Variants in DUSP9 observed in about 807,000 individuals in gnomAD.
DUSP9 encodes dual specificity phosphatase 9.
DUSP9 carries 4 observed loss-of-function variants against 13.2 expected under a neutral mutation model. That is an observed-to-expected ratio of 0.30 (90% confidence interval 0.15 to 0.69). The LOEUF (loss-of-function observed/expected upper bound fraction) is 0.69. Ranked by LOEUF, DUSP9 falls within the 30% of genes least tolerant of loss-of-function variation. The pLI, the probability that DUSP9 is intolerant of heterozygous loss-of-function variation, is 0.73. For missense variants in DUSP9, 263 were observed against 355.0 expected (o/e 0.74, Z 2.08); for synonymous variants, 166 against 172.3 (o/e 0.96, Z 0.29).
intron 3 of DUSP9, 21 bp from the exon 4 acceptor site, chrX:153,649,959 G>A (rs1367670357): frequency 3.3e-6 from 4 of 1,195,136 alleles, no homozygotes; most frequent in African/African-American, 1.8e-5. Context: ...GGTCTCCCGG[G>A]CCCTTTCCTG....
At chrX:153,644,894 A>G (rs782814192), upstream of DUSP9, among the ~76,000 whole-genome samples, 12 of 112,593 alleles carry the variant, frequency 1.1e-4, no homozygotes, top group Non-Finnish European at 1.9e-4. Context: ...TCTCTAGCCG[A>G]ACTGAGCCCC....
Position 153,650,977 on chromosome X carries a change from G to T in DUSP9, c.*672G>T, listed in dbSNP as rs1278260358. The T allele has an allele frequency of 9.0e-6, 1 of 111,216 alleles. No individual in the cohort carries two copies. Among genetic ancestry groups the T allele is most frequent in the Non-Finnish European group, 1.9e-5 (1 of 52,842 alleles). 9.2% of individuals were successfully genotyped at this position (111,216 alleles called of 1,213,427 possible). ...TCTCAGAGCGAGAGCTGCGGAGGGG[G>T]AGGGGAAGAAGAAGGCCTCACTTTT... On this transcript the variant is annotated 3_prime_UTR_variant, in exon 4 of 4. Transcript: ENST00000342782.
In DUSP9 at chrX:153,650,949, G is replaced by A. The variant is rs1367846436; in HGVS notation, c.*644G>A. ...GGCCAAACTACCGCCGGAGGAGATG[G>A]GGTCTCAGAGCGAGAGCTGCGGAGG... On this transcript the variant is annotated 3_prime_UTR_variant, in exon 4 of 4. Transcript: ENST00000342782. 2.7e-5 allele frequency: 3 copies of A among 110,734 alleles called. No individual in the cohort carries two copies. 9.1% of individuals were successfully genotyped at this position (110,734 alleles called of 1,213,427 possible).
chrX:153,649,491 C>G lies in DUSP9; in HGVS notation c.633C>G (p.Leu211=). ...TCCCTGTCCAGATCCTGCCCAACCTCTATCTGGGCAGTGCCCGGGATTCCG... is the reference window on the plus strand; with the variant it reads ...TCCCTGTCCAGATCCTGCCCAACCTGTATCTGGGCAGTGCCCGGGATTCCG... ...ASFPVQILPN[L]YLGSARDSAN... is the part of the protein sequence containing the mutation. The change falls in exon 3 of 4, where the codon CTC becomes CTG. Residue 211 remains leucine, a synonymous_variant. Transcript: ENST00000342782. 1 of 1,212,112 alleles carries G rather than the reference C, an allele frequency of 8.3e-7. No homozygotes were observed. The highest frequency in any genetic ancestry group is 1.1e-6 in the Non-Finnish European group (1 of 895,609).
intron 2 of DUSP9, among the ~76,000 whole-genome samples, chrX:153,649,006 T>G (rs2091200801): frequency 8.9e-6 from 1 of 112,509 alleles, no homozygotes; most frequent in Admixed American, 9.3e-5. Flanking sequence ...TGTAAGATCC[T>G]TTCCGGTGGC....
chrX:153,644,272 G>A (rs2091179742), upstream of DUSP9, among the ~76,000 whole-genome samples: 2 of 90,546 alleles, frequency 2.2e-5, no homozygotes, highest in African/African-American at 7.9e-5. Flanking sequence ...GCGGAGGCCC[G>A]GGGCGCCCGG....
rs782494397 is a variant in DUSP9, at chrX:153,650,080, C to A, written c.930C>A (p.His310Gln). Residue 310 changes from histidine to glutamine, a missense_variant, in exon 4 of 4, where the codon CAC becomes CAA. Transcript: ENST00000342782. ...TGGCCTACCTCATGCAGAAGCTCCA[C>A]CTCTCTCTCAACGATGCCTATGACC... The part of the protein sequence containing the change: ...VTVAYLMQKL[H>Q]LSLNDAYDLV... 8.3e-7 allele frequency: 1 copy of A among 1,211,810 alleles called. No homozygotes were observed. Among genetic ancestry groups the A allele is most frequent in the South Asian group, 1.8e-5 (1 of 57,042 alleles).
At position 153,647,977 on chromosome X, in the gene DUSP9, C is replaced by T; in HGVS notation, c.24C>T (p.Cys8=). 1 of 1,102,461 alleles carries T rather than the reference C, an allele frequency of 9.1e-7. No individual in the cohort carries two copies. The highest frequency in any genetic ancestry group is 1.2e-6 in the Non-Finnish European group (1 of 848,448). 90.9% of individuals were successfully genotyped at this position (1,102,461 alleles called of 1,213,427 possible). ...CCATGGAGGGTCTGGGCCGCTCGTGCCTGTGGCTGCGTCGGGAGCTGTCGC... is the reference window on the plus strand; with the variant it reads ...CCATGGAGGGTCTGGGCCGCTCGTGTCTGTGGCTGCGTCGGGAGCTGTCGC... MEGLGRS[C]LWLRRELSPP... The change falls in exon 2 of 4, where the codon TGC becomes TGT. Residue 8 remains cysteine (C), a synonymous_variant. Transcript: ENST00000342782.
In DUSP9 at chrX:153,648,010, G is replaced by A; in HGVS notation, c.57G>A (p.Arg19=). Residue 19 remains arginine (R), a synonymous_variant, in exon 2 of 4, where the codon CGG becomes CGA. Coordinates refer to ENST00000342782, the MANE Select transcript of DUSP9 (RefSeq NM_001318503.2). Reference sequence around the variant, plus strand: ...TGCGTCGGGAGCTGTCGCCCCCGCGGCCGCGGCTCCTGCTCCTGGACTGCC... The same window carrying A: ...TGCGTCGGGAGCTGTCGCCCCCGCGACCGCGGCTCCTGCTCCTGGACTGCC... The part of the protein sequence containing the change: ...LWLRRELSPP[R]PRLLLLDCRS... 18 of 1,103,889 alleles carry A rather than the reference G, an allele frequency of 1.6e-5. No homozygotes were observed. Among genetic ancestry groups the A allele is most frequent in the Non-Finnish European group, 2.1e-5 (18 of 849,786 alleles). The allele number at this position is 1,103,889 out of a possible 1,213,427, so 91.0% of individuals were successfully genotyped here.
At chrX:153,643,259 A>G (rs1475712303), upstream of DUSP9, among the ~76,000 whole-genome samples, 1 of 110,018 alleles carries the variant, frequency 9.1e-6, no homozygotes, top group African/African-American at 3.3e-5. Context: ...CACGCTCTCC[A>G]GCATCCTGCC....
rs1408160104 is a variant in DUSP9 at position 153,650,313 on chromosome X, T to G, written c.*8T>G. 6 of 1,149,512 alleles carry G rather than the reference T, an allele frequency of 5.2e-6. No individual in the cohort carries two copies. Among genetic ancestry groups the G allele is most frequent in the Non-Finnish European group, 5.8e-6 (5 of 860,116 alleles). The allele number at this position is 1,149,512 out of a possible 1,213,427, so 94.7% of individuals were successfully genotyped here. A position where few individuals can be genotyped will look rare whatever the true frequency, so the allele number is the denominator to read the frequency against. On this transcript the variant is annotated 3_prime_UTR_variant, in exon 4 of 4. Coordinates refer to ENST00000342782, the MANE Select transcript of DUSP9 (RefSeq NM_001318503.2). ...GAGCTGGCCCCCACCTAGGGCCCCG[T>G]GGCCGGCAGGCCGGCCCCTGCCCCA...
upstream of DUSP9, among the ~76,000 whole-genome samples, chrX:153,644,201 G>A (rs2091179298): frequency 9.6e-6 from 1 of 104,234 alleles, no homozygotes. Flanking sequence ...CGCACGCGGC[G>A]CGCGCGAGGC....
At chrX:153,644,494 C>T (rs1390687644), upstream of DUSP9, among the ~76,000 whole-genome samples, 9 of 110,169 alleles carry the variant, frequency 8.2e-5, no homozygotes, top group Admixed American at 8.5e-4. Context: ...GTGGGGGCGG[C>T]CCGGCGAGGG....
At position 153,649,274 on chromosome X, in the gene DUSP9, A is replaced by G; in HGVS notation, c.416A>G (p.Glu139Gly). Reference protein sequence around the residue: ...RFQAECPHLCETSLAGRAGSS... With the variant: ...RFQAECPHLCGTSLAGRAGSS... Reference sequence around the variant, plus strand: ...CAGGCCGAGTGCCCTCACCTGTGTGAGACCAGCCTTGCTGGCCGTGCCGGC... The same window carrying G: ...CAGGCCGAGTGCCCTCACCTGTGTGGGACCAGCCTTGCTGGCCGTGCCGGC... The change falls in exon 3 of 4, where the codon GAG becomes GGG. Residue 139 changes from glutamate (E) to glycine (G), a missense_variant. Transcript: ENST00000342782. The G allele has an allele frequency of 8.3e-7, 1 of 1,210,836 alleles. No homozygotes were observed. The highest frequency in any genetic ancestry group is 1.1e-6 in the Non-Finnish European group (1 of 895,521).
At chrX:153,649,923 T>C in intron 3 of DUSP9, 57 bp from the exon 4 acceptor site, 1 of 1,151,553 alleles carries the variant, frequency 8.7e-7, no homozygotes, top group South Asian at 2.0e-5. Flanking sequence ...TCGGAAGGCC[T>C]CGGCCTCACA....
At chrX:153,648,423 T>G (rs1252030977) in intron 2 of DUSP9, 97 bp downstream of exon 2, 2 of 931,501 alleles carry the variant, frequency 2.1e-6, no homozygotes, top group African/African-American at 4.2e-5. Context: ...GAGGCCCCCC[T>G]CCCCTGATGA....
intron 1 of DUSP9, 101 bp from the exon 2 acceptor site, chrX:153,647,818 G>A (rs1401212710): frequency 1.4e-6 from 1 of 714,730 alleles, no homozygotes; most frequent in Non-Finnish European, 1.8e-6. Context: ...TCCTCATGGT[G>A]GGGGACCCTG....
chrX:153,648,366 TCATTTGACCTTAGG>T (rs1404368810), intron 2 of DUSP9, 40 bp downstream of exon 2: 2 of 1,073,177 alleles, frequency 1.9e-6, no homozygotes, highest in Non-Finnish European at 2.4e-6. Flanking sequence ...GGTTCGGGAT[TCATTTGACCTTAGG>T]CCAGCCCCAC....
In DUSP9 at chrX:153,647,357, G is replaced by T. The variant is rs1244145775; in HGVS notation, c.-104G>T. 7.1e-5 allele frequency: 8 copies of T among 113,044 alleles called. No individual in the cohort carries two copies. Among genetic ancestry groups the T allele is most frequent in the South Asian group, 3.6e-4 (1 of 2,783 alleles). The allele number at this position is 113,044 out of a possible 1,213,427, so 9.3% of individuals were successfully genotyped here. On this transcript the variant is annotated 5_prime_UTR_variant, in exon 1 of 4. Coordinates refer to ENST00000342782, the MANE Select transcript of DUSP9 (RefSeq NM_001318503.2). ...TCTCTGCCGCGGGACGGCGCCTCGC[G>T]TTCCGCCGTGGCAGTGGCCGTGGCC... is the stretch of plus-strand genomic sequence containing the variant.
Sources: allele counts gnomAD v4.1 joint callset (sites outside exome capture counted in the v4.1 genomes callset), GRCh38; gene constraint gnomAD v4.1.1; transcripts MANE v1.5; gene names NCBI Gene and HGNC (gene_info 2026-07-23, HGNC 2026-07-21).